The following QKI variants were observed in gnomAD, a reference collection of about 807,000 sequenced individuals.
QKI encodes the protein QKI, KH domain containing RNA binding, also known as KH domain-containing RNA-binding protein QKI.
Under a neutral mutation model 39.0 loss-of-function variants are expected in QKI, and 10 were observed. That is an observed-to-expected ratio of 0.26 (90% confidence interval 0.16 to 0.43). The LOEUF (loss-of-function observed/expected upper bound fraction) is 0.43, where lower values mean the gene tolerates loss of function less well. Among genes scored for constraint, QKI ranks in the 20% least tolerant of loss-of-function variants. The pLI is 1.00. For synonymous variants in QKI, 204 were observed against 155.4 expected (o/e 1.31, Z -2.33); for missense variants, 218 against 428.0 (o/e 0.51, Z 4.33).
chr6:163,419,003 T>C (rs1002647209), intron 1 of QKI, among the ~76,000 whole-genome samples: 1 of 152,162 alleles, frequency 6.6e-6, no homozygotes, highest in Non-Finnish European at 1.5e-5. Flanking sequence ...CAGTCAATCT[T>C]TTTATCGTGG....
chr6:163,434,576 G>A (rs371581483), intron 1 of QKI, among the ~76,000 whole-genome samples: 16 of 152,062 alleles, frequency 1.1e-4, no homozygotes, highest in Admixed American at 3.9e-4. Flanking sequence ...TTAGCCGGGC[G>A]TGGTGGTGGG....
chr6:163,484,077 A>G (rs1793283712), intron 3 of QKI, among the ~76,000 whole-genome samples: 1 of 152,204 alleles, frequency 6.6e-6, no homozygotes, highest in African/African-American at 2.4e-5. Flanking sequence ...AATATTTGGA[A>G]AGGAATCTCT....
At chr6:163,539,740 T>A (rs1236957251) in intron 4 of QKI, among the ~76,000 whole-genome samples, 1 of 152,186 alleles carries the variant, frequency 6.6e-6, no homozygotes, top group African/African-American at 2.4e-5. Flanking sequence ...TTTTATTATT[T>A]TATTCATGTT....
At chr6:163,559,985 C>G (rs781133512) in intron 4 of QKI, among the ~76,000 whole-genome samples, 1 of 152,108 alleles carries the variant, frequency 6.6e-6, no homozygotes, top group Admixed American at 6.5e-5. Flanking sequence ...TTAGTTCTAT[C>G]TCTACACAGA....
intron 2 of QKI, among the ~76,000 whole-genome samples, chr6:163,469,739 A>G (rs1391660295): frequency 2.0e-5 from 3 of 152,178 alleles, no homozygotes; most frequent in Non-Finnish European, 2.9e-5. Context: ...GTGAAATTTA[A>G]TGTAATCTGT....
At chr6:163,508,833 T>G (rs1362765323) in intron 3 of QKI, among the ~76,000 whole-genome samples, 4 of 151,702 alleles carry the variant, frequency 2.6e-5, no homozygotes, top group Non-Finnish European at 5.9e-5. Context: ...TTGGGCACTT[T>G]TACCTTTTTA....
intron 3 of QKI, among the ~76,000 whole-genome samples, chr6:163,511,669 A>C (rs1184044891): frequency 1.3e-5 from 2 of 152,036 alleles, no homozygotes; most frequent in African/African-American, 4.8e-5. Flanking sequence ...TAGTATCCCT[A>C]TATTGATTAG....
intron 3 of QKI, among the ~76,000 whole-genome samples, chr6:163,519,525 TAAGAC>T (rs565676887): frequency 4.9e-4 from 75 of 151,856 alleles, no homozygotes; most frequent in Non-Finnish European, 8.5e-4. Context: ...TTGAAGGACG[TAAGAC>T]AAGTTACTTT....
chr6:163,465,644 A>G (rs954548408), intron 2 of QKI, among the ~76,000 whole-genome samples: 10 of 148,798 alleles, frequency 6.7e-5, no homozygotes, highest in African/African-American at 2.2e-4. Context: ...AAAAAAAAAA[A>G]GTAAAAGACA....
At chr6:163,477,662 A>T (rs1328263882) in intron 2 of QKI, among the ~76,000 whole-genome samples, 1 of 152,184 alleles carries the variant, frequency 6.6e-6, no homozygotes, top group African/African-American at 2.4e-5. Context: ...GTCTCAACAG[A>T]GGGTGAAATA....
At chr6:163,468,743 C>T (rs1791961974) in intron 2 of QKI, among the ~76,000 whole-genome samples, 1 of 152,024 alleles carries the variant, frequency 6.6e-6, no homozygotes, top group Non-Finnish European at 1.5e-5. Context: ...TTGCACTTAG[C>T]TCAGGCTGTT....
At chr6:163,446,482 G>A (rs1301153245) in intron 1 of QKI, among the ~76,000 whole-genome samples, 4 of 152,086 alleles carry the variant, frequency 2.6e-5, no homozygotes, top group Admixed American at 2.6e-4. Flanking sequence ...AAACTAACTT[G>A]CTGTTGCATC....
At chr6:163,490,065 TC>T in intron 3 of QKI, among the ~76,000 whole-genome samples, 1 of 152,284 alleles carries the variant, frequency 6.6e-6, no homozygotes, top group East Asian at 1.9e-4. Flanking sequence ...CAAATTGTAT[TC>T]TTATCAACTT....
chr6:163,567,746 T>G, intron 7 of QKI: 1 of 984,780 alleles, frequency 1.0e-6, no homozygotes, highest in Non-Finnish European at 1.2e-6. Flanking sequence ...TTTTACAAGT[T>G]TCTATTATGG....
At chr6:163,453,038 A>AT (rs1207010015) in intron 1 of QKI, among the ~76,000 whole-genome samples, 2 of 150,916 alleles carry the variant, frequency 1.3e-5, no homozygotes, top group Middle Eastern at 3.2e-3. Context: ...CGTTTATTTA[A>AT]TTTTTTAATC....
At chr6:163,501,038 A>G (rs1180804678) in intron 3 of QKI, among the ~76,000 whole-genome samples, 1 of 152,208 alleles carries the variant, frequency 6.6e-6, no homozygotes, top group Non-Finnish European at 1.5e-5. Flanking sequence ...TGGAATATTT[A>G]GTAATACTTG....
chr6:163,569,571 T>C, intron 7 of QKI: 1 of 1,146,608 alleles, frequency 8.7e-7, no homozygotes, highest in Non-Finnish European at 1.1e-6. Context: ...GTGACAAAGG[T>C]TGATTAAGGA....
At chr6:163,469,184 G>A (rs1159220419) in intron 2 of QKI, among the ~76,000 whole-genome samples, 1 of 152,132 alleles carries the variant, frequency 6.6e-6, no homozygotes, top group East Asian at 1.9e-4. Context: ...AGCTGTGGTA[G>A]AAGCCCTTTT....
chr6:163,463,647 C>T (rs1197232688), intron 2 of QKI, among the ~76,000 whole-genome samples: 1 of 152,118 alleles, frequency 6.6e-6, no homozygotes, highest in Non-Finnish European at 1.5e-5. Context: ...CCATTCAAAA[C>T]AAATTCACGT....
Sources: allele counts gnomAD v4.1 joint callset (sites outside exome capture counted in the v4.1 genomes callset), GRCh38; gene constraint gnomAD v4.1.1; transcripts MANE v1.5; gene names NCBI Gene and HGNC (gene_info 2026-07-23, HGNC 2026-07-21).